Variants in RYK observed in about 807,000 individuals in gnomAD.
RYK encodes receptor like tyrosine kinase.
In RYK, 21 loss-of-function variants were observed where a neutral mutation model predicts 70.2. The ratio of observed to expected loss-of-function variants is 0.30; its 90% CI spans 0.21 to 0.43. The LOEUF (loss-of-function observed/expected upper bound fraction) is 0.43, where lower values mean the gene tolerates loss of function less well. Ranked by LOEUF, RYK falls within the 20% of genes least tolerant of loss-of-function variation. The pLI, the probability that RYK is intolerant of heterozygous loss-of-function variation, is 1.00. For missense variants in RYK, 604 were observed against 753.3 expected (o/e 0.80, Z 2.32); for synonymous variants, 267 against 278.0 (o/e 0.96, Z 0.39).
intron 13 of RYK, among the ~76,000 whole-genome samples, chr3:134,161,330 T>C (rs1346350733): frequency 1.3e-5 from 2 of 152,208 alleles, no homozygotes; most frequent in African/African-American, 2.4e-5. Context: ...GCACTACTGA[T>C]ATTGTGGGCT....
At chr3:134,226,909 T>G (rs140430276) in intron 1 of RYK, among the ~76,000 whole-genome samples, 61 of 152,224 alleles carry the variant, frequency 4.0e-4, no homozygotes, top group African/African-American at 1.4e-3. Flanking sequence ...AAGGCAAAGA[T>G]GTCCACTTCC....
In RYK at chr3:134,172,525, T is replaced by C. The variant is rs777315210; in HGVS notation, c.1575+3084A>G. Among the ~76,000 whole-genome samples, 23 of 152,328 alleles carry C rather than the reference T, an allele frequency of 1.5e-4. 1 individual carries two copies. The Middle Eastern group carries it at 0.02, about 135-fold the overall frequency. Reference sequence around the variant, plus strand: ...CAAAAACATTATCAAAGAGTAGAACTAGTCCTTACTGTCATTCAGTACAGC... The same window carrying C: ...CAAAAACATTATCAAAGAGTAGAACCAGTCCTTACTGTCATTCAGTACAGC... On this transcript the variant is annotated intron_variant, in intron 13 of 14. Transcript: ENST00000623711.
At chr3:134,159,100 AG>A in intron 14 of RYK, 136 bp downstream of exon 14, 5 of 920,792 alleles carry the variant, frequency 5.4e-6, no homozygotes, top group Non-Finnish European at 6.8e-6. Flanking sequence ...GTTTTTTATA[AG>A]AGTCTAATTT....
At chr3:134,222,874 C>T (rs2014782428) in intron 1 of RYK, among the ~76,000 whole-genome samples, 1 of 152,122 alleles carries the variant, frequency 6.6e-6, no homozygotes, top group African/African-American at 2.4e-5. Flanking sequence ...GGAACAGCTA[C>T]AAAGAAATGC....
chr3:134,249,550 C>T (rs2015551586), intron 1 of RYK, among the ~76,000 whole-genome samples: 1 of 152,160 alleles, frequency 6.6e-6, no homozygotes, highest in Admixed American at 6.5e-5. Context: ...AGATCTTCCT[C>T]TAAGGGGTCA....
chr3:134,247,900 C>T (rs1204236583), intron 1 of RYK, among the ~76,000 whole-genome samples: 2 of 152,138 alleles, frequency 1.3e-5, no homozygotes, highest in African/African-American at 2.4e-5. Context: ...CCTATGCCAG[C>T]GTTCAGAAGG....
intron 1 of RYK, among the ~76,000 whole-genome samples, chr3:134,238,016 T>G (rs2015235008): frequency 1.3e-5 from 2 of 152,338 alleles, no homozygotes; most frequent in South Asian, 4.1e-4. Flanking sequence ...AGCTCTTATT[T>G]CAAATGCTCT....
At chr3:134,180,251 A>C (rs925418792) in intron 10 of RYK, 1 of 152,164 alleles carries the variant, frequency 6.6e-6, no homozygotes, top group African/African-American at 2.4e-5. Context: ...CTTTGATGTG[A>C]AGCACTTCTA....
intron 2 of RYK, among the ~76,000 whole-genome samples, chr3:134,215,699 C>T (rs2014529350): frequency 6.6e-6 from 1 of 152,112 alleles, no homozygotes; most frequent in South Asian, 2.1e-4. Flanking sequence ...GAAATTTGAA[C>T]AGCAGTTGTT....
intron 1 of RYK, among the ~76,000 whole-genome samples, chr3:134,239,905 C>T (rs545789442): frequency 1.3e-4 from 20 of 152,192 alleles, no homozygotes; most frequent in Admixed American, 2.6e-4. Flanking sequence ...TAGAAAGTAC[C>T]AGCCATGTAA....
intron 10 of RYK, chr3:134,179,706 A>T (rs2013229684): frequency 6.6e-6 from 1 of 152,244 alleles, no homozygotes; most frequent in Non-Finnish European, 1.5e-5. Context: ...TCCCATGAAT[A>T]CTAAAATGAC....
At chr3:134,205,827 C>T (rs1199903394) in intron 5 of RYK, among the ~76,000 whole-genome samples, 3 of 152,150 alleles carry the variant, frequency 2.0e-5, no homozygotes, top group African/African-American at 7.2e-5. Flanking sequence ...TCTCCCACTA[C>T]ATTATAAACC....
chr3:134,182,500 A>G (rs563654879), intron 10 of RYK, among the ~76,000 whole-genome samples: 1 of 152,284 alleles, frequency 6.6e-6, no homozygotes, highest in South Asian at 2.1e-4. Flanking sequence ...ACACAAATAT[A>G]TAGATACCTG....
chr3:134,191,209 C>G (rs1478244555), intron 8 of RYK, among the ~76,000 whole-genome samples: 7 of 152,174 alleles, frequency 4.6e-5, no homozygotes, highest in Admixed American at 4.6e-4. Context: ...CAGCATCTCC[C>G]TAATCAATAC....
chr3:134,247,054 T>C (rs2015485299), intron 1 of RYK, among the ~76,000 whole-genome samples: 1 of 151,366 alleles, frequency 6.6e-6, no homozygotes, highest in Non-Finnish European at 1.5e-5. Context: ...CAAAGATAAA[T>C]AGGTAACGAA....
chr3:134,178,151 A>C, intron 10 of RYK, 78 bp from the exon 11 acceptor site: 1 of 995,714 alleles, frequency 1.0e-6, no homozygotes, highest in Non-Finnish European at 1.5e-6. Flanking sequence ...AAAATAATCT[A>C]AAACAAAACA....
chr3:134,195,924 C>G (rs796753287), intron 6 of RYK, among the ~76,000 whole-genome samples: 31 of 150,312 alleles, frequency 2.1e-4, no homozygotes, highest in African/African-American at 6.4e-4. Context: ...CCAGCCTGGG[C>G]GATAAAGTGA....
In RYK at chr3:134,157,830, CTG is replaced by C. The variant is rs1278824143; in HGVS notation, c.*321_*322del. 6.4e-5 allele frequency: 12 copies of C among 187,418 alleles called. No homozygotes were observed. The highest frequency in any genetic ancestry group is 2.4e-4 in the Admixed American group (4 of 16,378). The allele number at this position is 187,418 out of a possible 1,614,324, so 11.6% of individuals were successfully genotyped here. A position where few individuals can be genotyped will look rare whatever the true frequency, so the allele number is the denominator to read the frequency against. ...CACTAAGATAGCTAATTCCAAATAT[CTG>C]TGTCTAAACAATTTTAAAAACTGTT... On this transcript the variant is annotated 3_prime_UTR_variant, in exon 15 of 15. Transcript: ENST00000623711.
intron 1 of RYK, among the ~76,000 whole-genome samples, chr3:134,231,172 C>T (rs2015048777): frequency 1.3e-5 from 2 of 148,964 alleles, no homozygotes; most frequent in Admixed American, 6.8e-5. Context: ...TAAAAAGTAC[C>T]TGTAAGCAGC....
Sources: allele counts gnomAD v4.1 joint callset (sites outside exome capture counted in the v4.1 genomes callset), GRCh38; gene constraint gnomAD v4.1.1; transcripts MANE v1.5; gene names NCBI Gene and HGNC (gene_info 2026-07-23, HGNC 2026-07-21).